Variants in LRP1B observed in about 807,000 individuals in gnomAD.
LRP1B encodes low-density lipoprotein receptor-related protein 1B.
Under a neutral mutation model 556.6 loss-of-function variants are expected in LRP1B, and 217 were observed. The ratio of observed to expected loss-of-function variants is 0.39; its 90% CI spans 0.35 to 0.44. LRP1B has a LOEUF of 0.44. LRP1B is among the 20% of genes least tolerant of loss of function. The pLI, the probability that LRP1B is intolerant of heterozygous loss-of-function variation, is 1.00. For missense variants in LRP1B, 5,053 were observed against 5,620.8 expected (o/e 0.90, Z 3.23); for synonymous variants, 2,047 against 1,865.8 (o/e 1.10, Z -2.50).
chr2:141,092,328 A>G (rs1295086918), intron 7 of LRP1B, among the ~76,000 whole-genome samples: 1 of 152,234 alleles, frequency 6.6e-6, no homozygotes, highest in Non-Finnish European at 1.5e-5. Flanking sequence ...TGTAAGAAAG[A>G]GAGGAATCAA....
intron 29 of LRP1B, among the ~76,000 whole-genome samples, chr2:140,847,696 G>T (rs2105111568): frequency 6.6e-6 from 1 of 151,922 alleles, no homozygotes; most frequent in Non-Finnish European, 1.5e-5. Context: ...GAACCCTGGA[G>T]GCAGAGTTTG....
chr2:141,949,672 G>A (rs559836217), intron 1 of LRP1B, among the ~76,000 whole-genome samples: 104 of 152,318 alleles, frequency 6.8e-4, no homozygotes, highest in Admixed American at 1.3e-3. Context: ...ATAGGCATAA[G>A]CCACCGTGCC....
At position 142,052,435 on chromosome 2, in the gene LRP1B, T is replaced by G. The variant is rs114049491; in HGVS notation, c.82+78213A>C. The stretch of plus-strand genomic sequence containing the variant: ...TTATCCATGACTCTTGACAACCTGA[T>G]GAGTCACTAACTTCTATGAATAATG... On this transcript the variant is annotated intron_variant, in intron 1 of 90. Coordinates refer to ENST00000389484, the MANE Select transcript of LRP1B (RefSeq NM_018557.3). 5.1e-3 allele frequency among the ~76,000 whole-genome samples: 779 copies of G among 152,260 alleles called. 3 individuals carry two copies. Among genetic ancestry groups the G allele is most frequent in the Non-Finnish European group, 8.7e-3 (592 of 68,008 alleles).
intron 1 of LRP1B, among the ~76,000 whole-genome samples, chr2:142,066,807 C>G (rs375251158): frequency 2.0e-5 from 3 of 151,440 alleles, no homozygotes; most frequent in Non-Finnish European, 3.0e-5. Flanking sequence ...TATACCACTT[C>G]GAGGTACTAA....
chr2:141,850,127 C>A (rs1462821689), intron 1 of LRP1B, among the ~76,000 whole-genome samples: 2 of 151,724 alleles, frequency 1.3e-5, no homozygotes, highest in Non-Finnish European at 3.0e-5. Context: ...TAAAAAGTCA[C>A]TCATCTTAGT....
Position 140,534,061 on chromosome 2 carries a change from T to G in LRP1B, c.7722A>C (p.Glu2574Asp), listed in dbSNP as rs764573175. 2 of 1,613,620 alleles carry G rather than the reference T, an allele frequency of 1.2e-6. No individual in the cohort carries two copies. Among genetic ancestry groups the G allele is most frequent in the East Asian group, 2.2e-5 (1 of 44,844 alleles). Residue 2574 changes from glutamate (E) to aspartate (D), a missense_variant, in exon 47 of 91, where the codon GAA becomes GAC. Physicochemically the swap from Glu to Asp is conservative, Grantham distance 45. Transcript: ENST00000389484. ...CATCAGAGTTGTCTCCGCAGTCATT[T>G]TCTCCATCACATAACTTGCCATGAG... is the stretch of plus-strand genomic sequence containing the variant. The part of the protein sequence containing the change: ...CIPHGKLCDG[E>D]NDCGDNSDEL...
chr2:142,011,475 C>T (rs1702956269), intron 1 of LRP1B, among the ~76,000 whole-genome samples: 1 of 152,060 alleles, frequency 6.6e-6, no homozygotes, highest in Admixed American at 6.6e-5. Context: ...TAGCTTAAAG[C>T]CTAAAAGATA....
chr2:141,996,137 G>A (rs574106514), intron 1 of LRP1B, among the ~76,000 whole-genome samples: 39 of 150,206 alleles, frequency 2.6e-4, no homozygotes, highest in African/African-American at 8.4e-4. Flanking sequence ...CTGCAGTCCC[G>A]AACCCGGGAG....
intron 60 of LRP1B, among the ~76,000 whole-genome samples, chr2:140,467,050 A>G (rs544498578): frequency 2.6e-5 from 4 of 152,310 alleles, no homozygotes; most frequent in Non-Finnish European, 4.4e-5. Flanking sequence ...GCTAAGGTAT[A>G]TATGCAATGT....
Position 140,301,433 on chromosome 2 carries a change from C to T in LRP1B, c.12806-3464G>A, listed in dbSNP as rs950389825. On this transcript the variant is annotated intron_variant, in intron 83 of 90. Transcript: ENST00000389484. ...ATCAAAGAGAAAATCTAATATCTTCCGAGTCTGTCTATTTGTACAAATTTT... is the reference window on the plus strand; with the variant it reads ...ATCAAAGAGAAAATCTAATATCTTCTGAGTCTGTCTATTTGTACAAATTTT... Among the ~76,000 whole-genome samples the T allele has an allele frequency of 1.3e-4, 19 of 151,966 alleles. 1 individual carries two copies. Among genetic ancestry groups the T allele is most frequent in the Non-Finnish European group, 2.4e-4 (16 of 67,964 alleles).
At chr2:141,035,403 T>G (rs1698503909) in intron 11 of LRP1B, among the ~76,000 whole-genome samples, 1 of 151,984 alleles carries the variant, frequency 6.6e-6, no homozygotes, top group African/African-American at 2.4e-5. Context: ...TGTTATAGAG[T>G]GCAAAGTAAA....
At chr2:141,408,595 G>C (rs187970925) in intron 3 of LRP1B, among the ~76,000 whole-genome samples, 2 of 151,878 alleles carry the variant, frequency 1.3e-5, no homozygotes, top group Middle Eastern at 3.4e-3. Flanking sequence ...AACAAAAACA[G>C]AGTGTAAAAA....
intron 2 of LRP1B, among the ~76,000 whole-genome samples, chr2:141,731,908 G>A (rs1201870556): frequency 1.3e-5 from 2 of 152,236 alleles, no homozygotes; most frequent in African/African-American, 4.8e-5. Context: ...TGGCATTTGA[G>A]AAGGTTGTCT....
chr2:140,677,264 G>A (rs1685703669), intron 41 of LRP1B, among the ~76,000 whole-genome samples: 1 of 152,190 alleles, frequency 6.6e-6, no homozygotes, highest in Non-Finnish European at 1.5e-5. Flanking sequence ...GGGAACTTGT[G>A]AAAGATGGCA....
intron 1 of LRP1B, among the ~76,000 whole-genome samples, chr2:141,835,072 A>T (rs1207985852): frequency 6.6e-6 from 1 of 152,026 alleles, no homozygotes; most frequent in African/African-American, 2.4e-5. Flanking sequence ...TATTTCTTTA[A>T]TCAGTTCATA....
intron 2 of LRP1B, among the ~76,000 whole-genome samples, chr2:141,671,505 T>C (rs1690665685): frequency 1.3e-5 from 2 of 152,152 alleles, no homozygotes; most frequent in Admixed American, 6.5e-5. Flanking sequence ...GTTATCCTTA[T>C]CCAAGGCAAG....
At chr2:141,024,132 G>A (rs574112324) in intron 11 of LRP1B, among the ~76,000 whole-genome samples, 8 of 151,940 alleles carry the variant, frequency 5.3e-5, no homozygotes, top group Non-Finnish European at 8.8e-5. Context: ...TCTGACATGA[G>A]GGAATGACAT....
chr2:140,821,002 TC>T (rs1691310086), intron 31 of LRP1B, among the ~76,000 whole-genome samples: 1 of 152,076 alleles, frequency 6.6e-6, no homozygotes, highest in African/African-American at 2.4e-5. Context: ...CTAATTTTCC[TC>T]CCTGCAAAAT....
intron 5 of LRP1B, among the ~76,000 whole-genome samples, chr2:141,245,566 G>A (rs1164254709): frequency 6.6e-6 from 1 of 152,146 alleles, no homozygotes; most frequent in African/African-American, 2.4e-5. Context: ...ACCTTTGGAG[G>A]AAGTTAGAAG....
Sources: gnomAD v4.1 joint callset for allele counts (sites outside exome capture counted in the v4.1 genomes callset) on GRCh38, gnomAD v4.1.1 for gene constraint, MANE v1.5 for transcripts, NCBI Gene and HGNC (gene_info 2026-07-23, HGNC 2026-07-21) for gene names.